Variants in SLC6A15 observed in about 807,000 individuals in gnomAD.
The protein encoded by SLC6A15 is solute carrier family 6 member 15, also known as sodium-dependent neutral amino acid transporter B(0)AT2.
In SLC6A15, 33 loss-of-function variants were observed where a neutral mutation model predicts 68.5. The ratio of observed to expected loss-of-function variants is 0.48; its 90% CI spans 0.37 to 0.64. The LOEUF is 0.64. SLC6A15 is among the 30% of genes least tolerant of loss of function. SLC6A15 has a pLI of 0.00. For missense variants in SLC6A15, 747 were observed against 874.3 expected (o/e 0.85, Z 1.84); for synonymous variants, 347 against 301.0 (o/e 1.15, Z -1.58).
At chr12:84,895,062 C>T (rs1044193929) in intron 1 of SLC6A15, among the ~76,000 whole-genome samples, 1 of 151,980 alleles carries the variant, frequency 6.6e-6, no homozygotes, top group Non-Finnish European at 1.5e-5. Flanking sequence ...GCTCTCTTTT[C>T]TTACTATTTT....
rs112819432 is a variant in SLC6A15 at position 84,872,842 on chromosome 12, G to A, written c.1110-48C>T. On this transcript the variant is annotated intron_variant, in intron 7 of 11. Coordinates refer to ENST00000266682, the MANE Select transcript of SLC6A15 (RefSeq NM_182767.6). The stretch of plus-strand genomic sequence containing the variant: ...AATGAGCACATAAGAGTTCTTTGGT[G>A]TATAGTTTGTGAACGACTATGCCAT... 52 of 1,450,614 alleles carry A rather than the reference G, an allele frequency of 3.6e-5. No homozygotes were observed. The African/African-American group carries it at 5.4e-4, about 15-fold the overall frequency. The allele number at this position is 1,450,614 out of a possible 1,614,324, so 89.9% of individuals were successfully genotyped here. A position where few individuals can be genotyped will look rare whatever the true frequency, so the allele number is the denominator to read the frequency against.
Position 84,862,018 on chromosome 12 carries a change from G to A in SLC6A15, c.1819-12C>T, listed in dbSNP as rs1392396625. 1.3e-6 allele frequency: 2 copies of A among 1,557,264 alleles called. No individual in the cohort carries two copies. Among genetic ancestry groups the A allele is most frequent in the Non-Finnish European group, 1.7e-6 (2 of 1,156,992 alleles). ...AATTCTTCAGATGCCTGTTAAAGAA[G>A]AAAATAATAATTATTAGTAATCTAT... is the stretch of plus-strand genomic sequence containing the variant. On this transcript the variant is annotated splice_polypyrimidine_tract_variant and intron_variant, in intron 11 of 11. Transcript: ENST00000266682.
At chr12:84,870,447 T>G in intron 9 of SLC6A15, 31 bp downstream of exon 9, 1 of 1,467,728 alleles carries the variant, frequency 6.8e-7, no homozygotes, top group Non-Finnish European at 9.1e-7. Flanking sequence ...CCTGGATTTG[T>G]TCAATGAAAA....
intron 4 of SLC6A15, among the ~76,000 whole-genome samples, chr12:84,884,981 T>C (rs7973203): frequency 0.041 from 6,177 of 151,958 alleles, 404 homozygotes; most frequent in African/African-American, 0.14. Flanking sequence ...ATCACTACTA[T>C]AGGTGACTGC....
chr12:84,877,193 C>T (rs1565724142), intron 5 of SLC6A15, among the ~76,000 whole-genome samples: 1 of 152,158 alleles, frequency 6.6e-6, no homozygotes, highest in African/African-American at 2.4e-5. Flanking sequence ...GCCTCCTTGA[C>T]ATCTTCCTCT....
At chr12:84,885,787 C>T (rs999666332) in intron 3 of SLC6A15, 124 bp downstream of exon 3, 5 of 1,077,638 alleles carry the variant, frequency 4.6e-6, no homozygotes, top group Admixed American at 2.6e-5. Context: ...ATGCCAGTAA[C>T]GTTTTCTAAA....
chr12:84,894,563 T>C (rs535043571), intron 1 of SLC6A15, among the ~76,000 whole-genome samples: 54 of 152,244 alleles, frequency 3.5e-4, no homozygotes, highest in African/African-American at 1.2e-3. Flanking sequence ...GAAAAAAAAT[T>C]TTAAATAGTG....
intron 1 of SLC6A15, among the ~76,000 whole-genome samples, chr12:84,893,078 T>C (rs1349620): frequency 0.18 from 28,070 of 152,218 alleles, 3,398 homozygotes; most frequent in African/African-American, 0.34. Flanking sequence ...ATTGCATAAG[T>C]GATCTCACCC....
chr12:84,869,295 TAAA>T (rs538569219), intron 9 of SLC6A15, among the ~76,000 whole-genome samples: 4 of 151,274 alleles, frequency 2.6e-5, no homozygotes, highest in Admixed American at 6.6e-5. Context: ...CCGTCTCTAT[TAAA>T]AAAAATACAA....
chr12:84,887,137 T>C (rs942148606), intron 2 of SLC6A15, among the ~76,000 whole-genome samples: 4 of 152,224 alleles, frequency 2.6e-5, no homozygotes, highest in African/African-American at 9.6e-5. Flanking sequence ...ACTTCTTACA[T>C]TCAATTTTTT....
At chr12:84,881,285 CAA>C (rs1871808820) in intron 5 of SLC6A15, 1 of 220,748 alleles carries the variant, frequency 4.5e-6, no homozygotes, top group South Asian at 1.6e-4. Context: ...TCATTATTAT[CAA>C]GTTTGATTCT....
At chr12:84,867,242 G>C (rs779085759) in intron 9 of SLC6A15, 49 bp from the exon 10 acceptor site, 1 of 1,421,318 alleles carries the variant, frequency 7.0e-7, no homozygotes, top group South Asian at 1.5e-5. Context: ...CAGAGACAAG[G>C]CCTTTAAACT....
At position 84,890,872 on chromosome 12, in the gene SLC6A15, T is replaced by C. The variant is rs553862601; in HGVS notation, c.289+960A>G. Among the ~76,000 whole-genome samples, 8 of 152,326 alleles carry C rather than the reference T, an allele frequency of 5.3e-5. No homozygotes were observed. In the South Asian group the frequency reaches 1.7e-3, roughly 32 times the overall value. On this transcript the variant is annotated intron_variant, in intron 2 of 11. Coordinates refer to ENST00000266682, the MANE Select transcript of SLC6A15 (RefSeq NM_182767.6). Reference sequence around the variant, plus strand: ...GAATCAAATACCAAAATATTCTTTATATACTTTGTGTCCTGAAATGCATGA... The same window carrying C: ...GAATCAAATACCAAAATATTCTTTACATACTTTGTGTCCTGAAATGCATGA...
chr12:84,885,600 C>T (rs749759649), intron 3 of SLC6A15, 39 bp from the exon 4 acceptor site: 2 of 1,568,484 alleles, frequency 1.3e-6, no homozygotes, highest in Admixed American at 3.9e-5. Flanking sequence ...CCTCTCATAC[C>T]TCTTCCATTA....
chr12:84,904,466 G>C (rs1229043328), intron 1 of SLC6A15, among the ~76,000 whole-genome samples: 6 of 152,154 alleles, frequency 3.9e-5, no homozygotes, highest in Non-Finnish European at 8.8e-5. Context: ...ATAGATATCT[G>C]AAACATTTGT....
At chr12:84,908,611 TATA>T (rs752812180) in intron 1 of SLC6A15, among the ~76,000 whole-genome samples, 11 of 148,932 alleles carry the variant, frequency 7.4e-5, no homozygotes, top group Non-Finnish European at 1.6e-4. Flanking sequence ...CATATATATA[TATA>T]TATATATATA....
intron 1 of SLC6A15, among the ~76,000 whole-genome samples, chr12:84,895,029 A>G (rs1351080943): frequency 6.6e-6 from 1 of 152,024 alleles, no homozygotes; most frequent in Non-Finnish European, 1.5e-5. Flanking sequence ...ATCCTTAATG[A>G]TATTATAAAT....
chr12:84,862,419 A>ACTT (rs1870893205), intron 11 of SLC6A15, among the ~76,000 whole-genome samples: 1 of 152,176 alleles, frequency 6.6e-6, no homozygotes, highest in Non-Finnish European at 1.5e-5. Flanking sequence ...GTTACTAAGC[A>ACTT]ATAGATACCT....
chr12:84,883,559 A>T, intron 5 of SLC6A15: 1 of 1,366,542 alleles, frequency 7.3e-7, no homozygotes, highest in Non-Finnish European at 9.4e-7. Context: ...CTGAAACATT[A>T]GGACTAATTG....
Sources: gnomAD v4.1 joint callset for allele counts (sites outside exome capture counted in the v4.1 genomes callset) on GRCh38, gnomAD v4.1.1 for gene constraint, MANE v1.5 for transcripts, NCBI Gene and HGNC (gene_info 2026-07-23, HGNC 2026-07-21) for gene names.